The following FHIP1A variants were observed in gnomAD, a reference collection of about 807,000 sequenced individuals.
FHIP1A encodes the protein FHF complex subunit HOOK interacting protein 1A, also known as FHF complex subunit HOOK-interacting protein 1A.
Under a neutral mutation model 88.6 loss-of-function variants are expected in FHIP1A, and 61 were observed. The observed-to-expected ratio is 0.69, with a 90% CI of 0.56 to 0.85. The LOEUF is 0.85. FHIP1A is among the 40% of genes least tolerant of loss of function. The probability of loss-of-function intolerance (pLI) is 0.00; values close to 1 mark genes in which losing one functional copy is unlikely to be tolerated. For synonymous variants in FHIP1A, 478 were observed against 496.0 expected, an observed-to-expected ratio of 0.96 and a Z score of 0.48; for missense variants, 1,154 against 1,273.5, an observed-to-expected ratio of 0.91 and a Z score of 1.43.
At chr4:151,460,100 C>A (rs1729096014) in intron 2 of FHIP1A, among the ~76,000 whole-genome samples, 1 of 152,058 alleles carries the variant, frequency 6.6e-6, no homozygotes, top group South Asian at 2.1e-4. Flanking sequence ...AATAACACTT[C>A]TTTTTGATAT....
At chr4:151,580,453 C>T (rs141003359) in intron 5 of FHIP1A, among the ~76,000 whole-genome samples, 115 of 152,280 alleles carry the variant, frequency 7.6e-4, no homozygotes, top group Non-Finnish European at 1.3e-3. Context: ...CCAGTTAATA[C>T]TTATCAGAGT....
chr4:151,457,409 G>A (rs72728104), intron 2 of FHIP1A, among the ~76,000 whole-genome samples: 2,712 of 152,324 alleles, frequency 0.018, 36 homozygotes, highest in Non-Finnish European at 0.03. Flanking sequence ...GGCCCTGGAA[G>A]TGTGCTTTCT....
chr4:151,458,316 C>T (rs1272405448), intron 2 of FHIP1A, among the ~76,000 whole-genome samples: 3 of 152,062 alleles, frequency 2.0e-5, no homozygotes, highest in African/African-American at 4.8e-5. Flanking sequence ...GTTTTGTGGC[C>T]TTGGGGGAAG....
At chr4:151,612,430 G>T (rs1413244338) in intron 7 of FHIP1A, among the ~76,000 whole-genome samples, 3 of 152,204 alleles carry the variant, frequency 2.0e-5, no homozygotes, top group Non-Finnish European at 4.4e-5. Context: ...GCTCAGGCTG[G>T]ATTGCAGTGG....
rs1281910744 is a variant in FHIP1A, at chr4:151,577,612, G to A, written c.268G>A (p.Glu90Lys). ...AKDAAMGPILEFVVSENIMEK... is the reference protein window; with the variant it reads ...AKDAAMGPILKFVVSENIMEK... Reference sequence around the variant, plus strand: ...AGATGCTGCAATGGGGCCGATTCTGGAATTTGTGGTCTCTGAGAACATCAT... The same window carrying A: ...AGATGCTGCAATGGGGCCGATTCTGAAATTTGTGGTCTCTGAGAACATCAT... Residue 90 changes from glutamate to lysine, a missense_variant, in exon 5 of 14, where the codon GAA (glutamate) becomes AAA (lysine). Glu to Lys is a moderately conservative substitution (Grantham distance 56). Transcript: ENST00000435205. The A allele has an allele frequency of 6.4e-7, 1 of 1,551,884 alleles. No homozygotes were observed. The highest frequency in any genetic ancestry group is 2.0e-5 in the Admixed American group (1 of 50,992).
rs72013339 is a variant in FHIP1A, at chr4:151,668,842, AGGCAGAGCTGGTTCAAGCCAGCCTGG to A, written c.*6097_*6122del. ...CAGAACACAGGGTTTGGGCCTGACC[AGGCAGAGCTGGTTCAAGCCAGCCTGG>A]GGCAGAGCCAGTTTTCCAGCACACT... On this transcript the variant is annotated 3_prime_UTR_variant, in exon 14 of 14. Transcript: ENST00000435205. Among the ~76,000 whole-genome samples, 21,963 of 152,146 alleles carry A rather than the reference AGGCAGAGCTGGTTCAAGCCAGCCTGG, an allele frequency of 0.14. 1,871 individuals are homozygous for A. Among genetic ancestry groups the A allele is most frequent in the African/African-American group, 0.24 (10,072 of 41,458 alleles).
At position 151,577,737 on chromosome 4, in the gene FHIP1A, G is replaced by C. The variant is rs1197863647; in HGVS notation, c.393G>C (p.Gln131His). Residue 131 changes from glutamine to histidine, a missense_variant, in exon 5 of 14, where the codon CAG (glutamine) becomes CAC (histidine). Gln to His is a conservative substitution (Grantham distance 24). Coordinates refer to ENST00000435205, the MANE Select transcript of FHIP1A (RefSeq NM_001109977.3). ...AGATGTTGGTCACCCAGTCGCACCA[G>C]CCTCTGCTGCACCACAAACCCATTC... is the stretch of plus-strand genomic sequence containing the variant. ...MYEMLVTQSH[Q>H]PLLHHKPILK... The C allele has an allele frequency of 6.4e-7, 1 of 1,551,700 alleles. No individual in the cohort carries two copies. The highest frequency in any genetic ancestry group is 1.4e-5 in the African/African-American group (1 of 73,026).
At chr4:151,556,805 C>T (rs540455132) in intron 3 of FHIP1A, among the ~76,000 whole-genome samples, 4 of 152,082 alleles carry the variant, frequency 2.6e-5, no homozygotes, top group African/African-American at 4.8e-5. Flanking sequence ...TTCCACCAGC[C>T]GCTCTCATAG....
At position 151,640,218 on chromosome 4, in the gene FHIP1A, C is replaced by T. The variant is rs1053552663; in HGVS notation, c.1226+1462C>T. On this transcript the variant is annotated intron_variant, in intron 9 of 13. Transcript: ENST00000435205. Reference sequence around the variant, plus strand: ...ACTTTGAGGAGTGATGCCGTGCAGGCATAACATCTTGCAAAAGAGAGTGAT... The same window carrying T: ...ACTTTGAGGAGTGATGCCGTGCAGGTATAACATCTTGCAAAAGAGAGTGAT... 5.3e-5 allele frequency among the ~76,000 whole-genome samples: 8 copies of T among 152,248 alleles called. No individual in the cohort carries two copies. In the East Asian group the frequency reaches 1.3e-3, roughly 26 times the overall value.
At chr4:151,629,991 GGTT>G (rs1464993289) in intron 8 of FHIP1A, 122 bp downstream of exon 8, 13 of 861,982 alleles carry the variant, frequency 1.5e-5, no homozygotes, top group Admixed American at 9.1e-5. Context: ...TTTCTTTTTT[GGTT>G]GTTGTTGTTT....
intron 3 of FHIP1A, among the ~76,000 whole-genome samples, chr4:151,514,456 A>G (rs1484127679): frequency 6.6e-6 from 1 of 151,656 alleles, no homozygotes. Flanking sequence ...CTAAAATCAG[A>G]GCAGAACTGA....
intron 2 of FHIP1A, among the ~76,000 whole-genome samples, chr4:151,461,465 C>G (rs1245827285): frequency 6.6e-6 from 1 of 151,954 alleles, no homozygotes; most frequent in Admixed American, 6.6e-5. Flanking sequence ...AATATAGTTT[C>G]AAATAGCTAG....
At chr4:151,450,351 A>AT (rs1728747816) in intron 1 of FHIP1A, among the ~76,000 whole-genome samples, 1 of 152,068 alleles carries the variant, frequency 6.6e-6, no homozygotes. Flanking sequence ...TCTTTTGGAT[A>AT]TTTTTTCTTA....
intron 1 of FHIP1A, among the ~76,000 whole-genome samples, chr4:151,427,306 G>T (rs978932610): frequency 3.9e-5 from 6 of 151,988 alleles, no homozygotes; most frequent in African/African-American, 1.4e-4. Context: ...TATTGAGTTT[G>T]TTTCTTTCCA....
At position 151,649,879 on chromosome 4, in the gene FHIP1A, C is replaced by T; in HGVS notation, c.1838C>T (p.Pro613Leu). The T allele has an allele frequency of 6.4e-7, 1 of 1,551,510 alleles. No individual in the cohort carries two copies. Among genetic ancestry groups the T allele is most frequent in the Non-Finnish European group, 8.7e-7 (1 of 1,146,948 alleles). Residue 613 changes from proline to leucine, a missense_variant, in exon 11 of 14, where the codon CCC (proline) becomes CTC (leucine). Pro to Leu is a moderately conservative substitution (Grantham distance 98). Coordinates refer to ENST00000435205, the MANE Select transcript of FHIP1A (RefSeq NM_001109977.3). ...TCAGGCCCCCCAGCACCCATTGATC[C>T]CCCCAAACACATCCAGGAGATGAAG... ...EVSGPPAPID[P>L]PKHIQEMKKN...
At chr4:151,559,425 C>T (rs114797728) in intron 3 of FHIP1A, among the ~76,000 whole-genome samples, 23 of 152,212 alleles carry the variant, frequency 1.5e-4, no homozygotes, top group African/African-American at 5.5e-4. Flanking sequence ...CCAGCCCCCA[C>T]TGCCCTGTGC....
chr4:151,412,365 C>T (rs967705189), intron 1 of FHIP1A, among the ~76,000 whole-genome samples: 1 of 152,118 alleles, frequency 6.6e-6, no homozygotes, highest in African/African-American at 2.4e-5. Context: ...CTCGGCCTCC[C>T]AAAGTGCTGG....
chr4:151,625,415 C>CA (rs963717806), intron 7 of FHIP1A, among the ~76,000 whole-genome samples: 15 of 152,066 alleles, frequency 9.9e-5, no homozygotes, highest in South Asian at 6.2e-4. Flanking sequence ...GACTAGATCA[C>CA]AAAAAAACAA....
intron 3 of FHIP1A, among the ~76,000 whole-genome samples, chr4:151,514,530 G>T (rs528560986): frequency 6.6e-6 from 1 of 151,268 alleles, no homozygotes; most frequent in African/African-American, 2.4e-5. Context: ...TTTTTTGAAA[G>T]GATCAACAAA....
Sources: allele counts gnomAD v4.1 joint callset (sites outside exome capture counted in the v4.1 genomes callset), GRCh38; gene constraint gnomAD v4.1.1; transcripts MANE v1.5; gene names NCBI Gene and HGNC (gene_info 2026-07-23, HGNC 2026-07-21).